The following CSNK1G1 variants were observed in gnomAD, a reference collection of about 807,000 sequenced individuals.
CSNK1G1 encodes the protein casein kinase I isoform gamma-1.
A neutral mutation model predicts 59.6 loss-of-function variants in CSNK1G1; 22 were observed. The ratio of observed to expected loss-of-function variants is 0.37; its 90% CI spans 0.26 to 0.53. The LOEUF is 0.53. Ranked by LOEUF, CSNK1G1 falls within the 20% of genes least tolerant of loss-of-function variation. The probability of loss-of-function intolerance (pLI) is 0.89; values close to 1 mark genes in which losing one functional copy is unlikely to be tolerated. For synonymous variants in CSNK1G1, 179 were observed against 177.1 expected, an observed-to-expected ratio of 1.01 and a Z score of -0.08; for missense variants, 384 against 519.5, an observed-to-expected ratio of 0.74 and a Z score of 2.54.
At chr15:64,291,042 G>A (rs1894715095) in intron 2 of CSNK1G1, among the ~76,000 whole-genome samples, 1 of 152,098 alleles carries the variant, frequency 6.6e-6, no homozygotes, top group Non-Finnish European at 1.5e-5. Context: ...CACTTAAGCA[G>A]AAGAATGACA....
chr15:64,268,677 A>G (rs1400165996), intron 2 of CSNK1G1, among the ~76,000 whole-genome samples: 1 of 151,932 alleles, frequency 6.6e-6, no homozygotes, highest in Admixed American at 6.6e-5. Context: ...ATTGTTTTTG[A>G]GCTAACTGGG....
intron 2 of CSNK1G1, among the ~76,000 whole-genome samples, chr15:64,259,856 A>G (rs746247725): frequency 6.6e-6 from 1 of 152,208 alleles, no homozygotes; most frequent in Non-Finnish European, 1.5e-5. Flanking sequence ...ACAGATCTTC[A>G]GCTAGACAAC....
chr15:64,354,328 A>C (rs1277593572), intron 1 of CSNK1G1, among the ~76,000 whole-genome samples: 1 of 152,128 alleles, frequency 6.6e-6, no homozygotes, highest in Admixed American at 6.5e-5. Context: ...AACAAACAAA[A>C]AACAAGTACC....
intron 3 of CSNK1G1, among the ~76,000 whole-genome samples, chr15:64,252,954 A>G (rs1892171758): frequency 6.6e-6 from 1 of 152,142 alleles, no homozygotes; most frequent in Non-Finnish European, 1.5e-5. Context: ...ATGTCTGCCA[A>G]CCCAGCACTT....
chr15:64,337,065 T>C (rs1012166147), intron 1 of CSNK1G1, among the ~76,000 whole-genome samples: 3 of 151,596 alleles, frequency 2.0e-5, no homozygotes, highest in African/African-American at 4.8e-5. Flanking sequence ...CCATCTCTAC[T>C]AAAAATACAA....
chr15:64,206,866 T>A (rs1363001361), intron 7 of CSNK1G1, among the ~76,000 whole-genome samples: 2 of 152,206 alleles, frequency 1.3e-5, no homozygotes, highest in African/African-American at 4.8e-5. Context: ...GATTTTCATT[T>A]TAGTTCAGGT....
chr15:64,302,306 G>A (rs906041569), intron 1 of CSNK1G1, among the ~76,000 whole-genome samples: 2 of 151,926 alleles, frequency 1.3e-5, no homozygotes, highest in Non-Finnish European at 2.9e-5. Flanking sequence ...TCACCATGTT[G>A]GCCAGGCTGG....
intron 2 of CSNK1G1, among the ~76,000 whole-genome samples, chr15:64,273,202 T>C (rs1893420717): frequency 6.6e-6 from 1 of 152,202 alleles, no homozygotes; most frequent in African/African-American, 2.4e-5. Context: ...GCTATGAACA[T>C]GCTAACTACC....
intron 1 of CSNK1G1, among the ~76,000 whole-genome samples, chr15:64,352,845 T>G (rs140335634): frequency 3.3e-5 from 5 of 151,966 alleles, no homozygotes; most frequent in Admixed American, 3.3e-4. Context: ...TCCCAGCACT[T>G]TGGGAGGCCA....
chr15:64,335,287 G>A (rs1897330068), intron 1 of CSNK1G1, among the ~76,000 whole-genome samples: 1 of 152,014 alleles, frequency 6.6e-6, no homozygotes, highest in South Asian at 2.1e-4. Flanking sequence ...CCCTACTCAA[G>A]GAAAATAAAT....
chr15:64,182,730 G>A (rs1721090609), intron 10 of CSNK1G1, among the ~76,000 whole-genome samples: 1 of 152,146 alleles, frequency 6.6e-6, no homozygotes, highest in South Asian at 2.1e-4. Flanking sequence ...TTCACTCATA[G>A]ATTTAAAGCA....
chr15:64,255,278 T>G (rs754532954), intron 3 of CSNK1G1, among the ~76,000 whole-genome samples: 2 of 148,410 alleles, frequency 1.3e-5, no homozygotes, highest in Non-Finnish European at 2.9e-5. Flanking sequence ...GGTTTTACCA[T>G]ATTGGCCAGG....
intron 7 of CSNK1G1, 99 bp downstream of exon 7, chr15:64,207,410 C>T: frequency 2.3e-6 from 2 of 852,796 alleles, no homozygotes; most frequent in South Asian, 1.5e-5. Flanking sequence ...CGCATCTGGC[C>T]AGCCCCCTAC....
chr15:64,204,884 A>G lies in CSNK1G1; in HGVS notation c.831T>C (p.Ala277=), dbSNP rs986528388. The G allele has an allele frequency of 6.2e-7, 1 of 1,610,396 alleles. No homozygotes were observed. Among genetic ancestry groups the G allele is most frequent in the African/African-American group, 1.3e-5 (1 of 74,920 alleles). ...GDTKRNTPIE[A]LCENFPEEMA... is the part of the protein sequence containing the mutation. ...TCCCACCTGGAAAGTTCTCACAGAGAGCTTCAATGGGAGTATTCCTTTTGG... is the reference window on the plus strand; with the variant it reads ...TCCCACCTGGAAAGTTCTCACAGAGGGCTTCAATGGGAGTATTCCTTTTGG... The change falls in exon 8 of 12, where the codon GCT becomes GCC. Residue 277 remains alanine, a synonymous_variant. Transcript: ENST00000303052.
At chr15:64,240,546 A>G (rs1015324637) in intron 4 of CSNK1G1, among the ~76,000 whole-genome samples, 3 of 152,156 alleles carry the variant, frequency 2.0e-5, no homozygotes, top group African/African-American at 7.2e-5. Flanking sequence ...ACAGCAAGAA[A>G]AAAGAGTCAA....
chr15:64,225,287 C>A (rs948220625), intron 4 of CSNK1G1, among the ~76,000 whole-genome samples: 3 of 151,990 alleles, frequency 2.0e-5, no homozygotes, highest in African/African-American at 7.3e-5. Flanking sequence ...GGTCTGGAAA[C>A]AGTAAACCTA....
chr15:64,221,917 C>T (rs1012542912), intron 4 of CSNK1G1, among the ~76,000 whole-genome samples: 8 of 152,058 alleles, frequency 5.3e-5, no homozygotes, highest in African/African-American at 1.9e-4. Flanking sequence ...CCAGCAATCC[C>T]ATTACTGAGT....
rs530260663 is a variant in CSNK1G1 at position 64,296,309 on chromosome 15, C to A, written c.181+4010G>T. Among the ~76,000 whole-genome samples, 12 of 152,112 alleles carry A rather than the reference C, an allele frequency of 7.9e-5. No homozygotes were observed. In the South Asian group the frequency reaches 2.5e-3, roughly 32 times the overall value. On this transcript the variant is annotated intron_variant, in intron 2 of 11. Coordinates refer to ENST00000303052, the MANE Select transcript of CSNK1G1 (RefSeq NM_022048.5). ...CTAATTTTTGTATTTTTTGTAGAGA[C>A]GAGGTTTTGCCACGTTGCTCATGTT...
chr15:64,207,378 T>G (rs2082196183), intron 7 of CSNK1G1, 131 bp downstream of exon 7: 1 of 616,644 alleles, frequency 1.6e-6, no homozygotes, highest in South Asian at 2.0e-5. Context: ...CCCAAAGTGC[T>G]GGGATTACAG....
Sources: gnomAD v4.1 joint callset for allele counts (sites outside exome capture counted in the v4.1 genomes callset) on GRCh38, gnomAD v4.1.1 for gene constraint, MANE v1.5 for transcripts, NCBI Gene and HGNC (gene_info 2026-07-23, HGNC 2026-07-21) for gene names.